Variants in GALNTL6 observed in about 807,000 individuals in gnomAD.
The protein encoded by GALNTL6 is polypeptide N-acetylgalactosaminyltransferase like 6.
Under a neutral mutation model 73.7 loss-of-function variants are expected in GALNTL6, and 46 were observed. The ratio of observed to expected loss-of-function variants is 0.62; its 90% confidence interval spans 0.49 to 0.80. The LOEUF is 0.80. Among genes scored for constraint, GALNTL6 ranks in the 30% least tolerant of loss-of-function variants. The probability of loss-of-function intolerance (pLI) is 0.00; values close to 1 mark genes in which losing one functional copy is unlikely to be tolerated. For synonymous variants in GALNTL6, 259 were observed against 263.7 expected, an observed-to-expected ratio of 0.98 and a Z score of 0.17; for missense variants, 604 against 755.0, an observed-to-expected ratio of 0.80 and a Z score of 2.34.
At chr4:172,988,774 C>T (rs757671668) in intron 10 of GALNTL6, among the ~76,000 whole-genome samples, 1 of 152,214 alleles carries the variant, frequency 6.6e-6, no homozygotes, top group Admixed American at 6.5e-5. Context: ...TAAAAGGGCC[C>T]CAGATAGGTC....
intron 4 of GALNTL6, among the ~76,000 whole-genome samples, chr4:172,347,182 G>T (rs1218483560): frequency 6.6e-6 from 1 of 151,840 alleles, no homozygotes; most frequent in Non-Finnish European, 1.5e-5. Flanking sequence ...TAGAGATGGG[G>T]TTTTGCTATG....
At chr4:171,836,864 G>T (rs1286016084) in intron 2 of GALNTL6, among the ~76,000 whole-genome samples, 1 of 152,090 alleles carries the variant, frequency 6.6e-6, no homozygotes, top group Non-Finnish European at 1.5e-5. Context: ...CATTATAGAA[G>T]AGAGTTAATA....
intron 5 of GALNTL6, among the ~76,000 whole-genome samples, chr4:172,719,890 G>C (rs933263061): frequency 1.2e-4 from 19 of 152,274 alleles, no homozygotes; most frequent in African/African-American, 4.3e-4. Context: ...ACAAGGGGTG[G>C]ATTATTCATG....
intron 2 of GALNTL6, among the ~76,000 whole-genome samples, chr4:172,091,306 T>G (rs183573388): frequency 6.6e-6 from 1 of 152,206 alleles, no homozygotes; most frequent in Non-Finnish European, 1.5e-5. Context: ...GAATTTCAGA[T>G]TAGACTTTTA....
At chr4:172,052,242 G>A (rs1730895912) in intron 2 of GALNTL6, among the ~76,000 whole-genome samples, 1 of 146,572 alleles carries the variant, frequency 6.8e-6, no homozygotes, top group Admixed American at 7.0e-5. Context: ...AACATTCACA[G>A]TTTTATATTA....
intron 5 of GALNTL6, among the ~76,000 whole-genome samples, chr4:172,375,022 G>A (rs1742976385): frequency 6.6e-6 from 1 of 152,168 alleles, no homozygotes; most frequent in African/African-American, 2.4e-5. Flanking sequence ...ATAACCGATA[G>A]CCTGGGGGGT....
At chr4:172,612,865 G>A (rs72988556) in intron 5 of GALNTL6, among the ~76,000 whole-genome samples, 5,301 of 152,090 alleles carry the variant, frequency 0.035, 253 homozygotes, top group African/African-American at 0.1. Context: ...CTTAAATATT[G>A]CAATGAAGCC....
intron 5 of GALNTL6, among the ~76,000 whole-genome samples, chr4:172,760,829 T>C (rs1738043020): frequency 6.6e-6 from 1 of 152,172 alleles, no homozygotes; most frequent in African/African-American, 2.4e-5. Context: ...CATGCCTCGC[T>C]AGGGCCTTTC....
At chr4:172,465,260 G>A (rs1579097005) in intron 5 of GALNTL6, among the ~76,000 whole-genome samples, 2 of 152,204 alleles carry the variant, frequency 1.3e-5, no homozygotes, top group African/African-American at 2.4e-5. Flanking sequence ...GGTGGATCAC[G>A]AGGTCAGGAG....
chr4:172,108,079 A>G (rs1216078009), intron 2 of GALNTL6, among the ~76,000 whole-genome samples: 1 of 152,182 alleles, frequency 6.6e-6, no homozygotes, highest in East Asian at 1.9e-4. Context: ...ACTCTGGGGA[A>G]ACAGTTAATG....
intron 4 of GALNTL6, among the ~76,000 whole-genome samples, chr4:172,344,750 G>C (rs1264186430): frequency 6.6e-6 from 1 of 151,988 alleles, no homozygotes; most frequent in Non-Finnish European, 1.5e-5. Context: ...CTTCCTTCAG[G>C]CTCTCAATGT....
At chr4:172,082,635 T>C (rs1274904190) in intron 2 of GALNTL6, among the ~76,000 whole-genome samples, 1 of 151,986 alleles carries the variant, frequency 6.6e-6, no homozygotes, top group Non-Finnish European at 1.5e-5. Flanking sequence ...AATGAAAAAA[T>C]GGTATAAGAA....
intron 5 of GALNTL6, among the ~76,000 whole-genome samples, chr4:172,355,932 A>G (rs928511342): frequency 6.6e-6 from 1 of 152,066 alleles, no homozygotes; most frequent in African/African-American, 2.4e-5. Context: ...AAATCTACCT[A>G]CCTCTGGATG....
rs545796443 is a variant in GALNTL6 at position 172,855,617 on chromosome 4, C to A, written c.924-27173C>A. Among the ~76,000 whole-genome samples, 8 of 152,276 alleles carry A rather than the reference C, an allele frequency of 5.3e-5. No individual in the cohort carries two copies. The South Asian group carries it at 1.7e-3, about 32-fold the overall frequency. On this transcript the variant is annotated intron_variant, in intron 7 of 12. Transcript: ENST00000506823. ...TGATCTCAGGCCACTGTCTAAGGCTCTCTGAATGTAAATCATAGATTTCCC... is the reference window on the plus strand; with the variant it reads ...TGATCTCAGGCCACTGTCTAAGGCTATCTGAATGTAAATCATAGATTTCCC...
intron 2 of GALNTL6, among the ~76,000 whole-genome samples, chr4:172,190,192 T>A (rs77316892): frequency 0.011 from 1,606 of 152,324 alleles, 26 homozygotes; most frequent in African/African-American, 0.037. Context: ...CACATTTCTT[T>A]AAAAAATAAA....
intron 5 of GALNTL6, among the ~76,000 whole-genome samples, chr4:172,466,080 C>G (rs1732806118): frequency 6.6e-6 from 1 of 152,040 alleles, no homozygotes; most frequent in South Asian, 2.1e-4. Context: ...TAAAATGCGT[C>G]TTTAATAACT....
intron 5 of GALNTL6, among the ~76,000 whole-genome samples, chr4:172,673,805 T>C (rs2111212174): frequency 6.6e-6 from 1 of 152,356 alleles, no homozygotes; most frequent in South Asian, 2.1e-4. Flanking sequence ...ATGTTTTTTC[T>C]GTTTTCCATT....
chr4:172,864,991 G>T (rs556481027), intron 7 of GALNTL6, among the ~76,000 whole-genome samples: 11 of 152,256 alleles, frequency 7.2e-5, no homozygotes, highest in Admixed American at 6.5e-4. Flanking sequence ...GGATCTGCTT[G>T]CCTGAAAGGA....
At chr4:172,775,899 C>G (rs1739046457) in intron 5 of GALNTL6, among the ~76,000 whole-genome samples, 1 of 152,156 alleles carries the variant, frequency 6.6e-6, no homozygotes, top group Non-Finnish European at 1.5e-5. Context: ...AGGAACTGTG[C>G]TTGCCTCCAG....
Sources: allele counts gnomAD v4.1 joint callset (sites outside exome capture counted in the v4.1 genomes callset), GRCh38; gene constraint gnomAD v4.1.1; transcripts MANE v1.5; gene names NCBI Gene and HGNC (gene_info 2026-07-23, HGNC 2026-07-21).